WDR47: variants seen among roughly 807,000 people sequenced by gnomAD.
WDR47 encodes WD repeat-containing protein 47.
A neutral mutation model predicts 97.2 loss-of-function variants in WDR47; 32 were observed. The ratio of observed to expected loss-of-function variants is 0.33; its 90% confidence interval spans 0.25 to 0.44. The LOEUF (loss-of-function observed/expected upper bound fraction) is 0.44. Among genes scored for constraint, WDR47 ranks in the 20% least tolerant of loss-of-function variants. The pLI is 1.00. For synonymous variants in WDR47, 375 were observed against 373.5 expected, an observed-to-expected ratio of 1.00 and a Z score of -0.05; for missense variants, 782 against 1,102.3, an observed-to-expected ratio of 0.71 and a Z score of 4.11.
chr1:109,001,407 G>A (rs1660177721), intron 7 of WDR47, among the ~76,000 whole-genome samples: 1 of 151,912 alleles, frequency 6.6e-6, no homozygotes, highest in Non-Finnish European at 1.5e-5. Flanking sequence ...TATTGTTTTG[G>A]CGGAAATTAT....
Position 109,023,447 on chromosome 1 carries a change from C to T in WDR47, c.66G>A (p.Leu22=), listed in dbSNP as rs1661992397. ...VEIIKLILDF[L]NSKKLHISML... The stretch of plus-strand genomic sequence containing the variant: ...TACTAATGTGAAGCTTCTTTGAATT[C>T]AGGAAGTCCAAAATTAGCTTAATGA... The change falls in exon 2 of 15, where the codon CTG becomes CTA. Residue 22 remains leucine (L), a synonymous_variant. Transcript: ENST00000369962. The T allele has an allele frequency of 1.2e-6, 2 of 1,613,570 alleles. No homozygotes were observed. Among genetic ancestry groups the T allele is most frequent in the East Asian group, 2.2e-5 (1 of 44,810 alleles).
chr1:109,019,569 G>C (rs562932818), intron 2 of WDR47, among the ~76,000 whole-genome samples: 1 of 152,092 alleles, frequency 6.6e-6, no homozygotes, highest in South Asian at 2.1e-4. Flanking sequence ...GATCTAGTGG[G>C]TAGATCTACT....
intron 13 of WDR47, among the ~76,000 whole-genome samples, chr1:108,978,271 C>T (rs1425674779): frequency 6.6e-6 from 1 of 151,202 alleles, no homozygotes; most frequent in Non-Finnish European, 1.5e-5. Flanking sequence ...GTCAGGAGAT[C>T]GAGACCATCC....
intron 2 of WDR47, among the ~76,000 whole-genome samples, chr1:109,022,734 G>A (rs996993719): frequency 4.6e-5 from 7 of 151,940 alleles, no homozygotes; most frequent in African/African-American, 1.7e-4. Flanking sequence ...ACAGGCATGT[G>A]CCACCATGCC....
At chr1:109,033,721 C>T (rs1016747128) in intron 1 of WDR47, among the ~76,000 whole-genome samples, 5 of 152,102 alleles carry the variant, frequency 3.3e-5, no homozygotes, top group Admixed American at 2.6e-4. Context: ...GAGATGGAGA[C>T]CATTCTGGCC....
At chr1:109,001,226 T>C (rs974568972) in intron 7 of WDR47, among the ~76,000 whole-genome samples, 4 of 151,862 alleles carry the variant, frequency 2.6e-5, no homozygotes, top group Admixed American at 6.6e-5. Context: ...GAGTCAGAGG[T>C]TGCAGTGAGC....
chr1:109,018,799 G>T (rs1250833707), intron 2 of WDR47, among the ~76,000 whole-genome samples: 5 of 152,028 alleles, frequency 3.3e-5, no homozygotes, highest in African/African-American at 1.2e-4. Flanking sequence ...GGGCAACAGA[G>T]TGAGACCCTG....
intron 5 of WDR47, among the ~76,000 whole-genome samples, chr1:109,006,046 T>C (rs954587873): frequency 3.3e-5 from 5 of 152,094 alleles, no homozygotes; most frequent in Non-Finnish European, 7.4e-5. Flanking sequence ...TATCTAAACA[T>C]TATTTCCTCC....
chr1:109,011,107 C>A lies in WDR47; in HGVS notation c.939G>T (p.Leu313=). ...QSADAYMTRS[L]NPALDGLTCG... ...AGGTGAGGCCATCTAAAGCAGGATT[C>A]AGAGAGCGGGTCATATAGGCATCAG... Residue 313 remains leucine (L), a synonymous_variant, in exon 5 of 15, where the codon CTG becomes CTT. Coordinates refer to ENST00000369962, the MANE Select transcript of WDR47 (RefSeq NM_001142551.2). 2 of 1,614,068 alleles carry A rather than the reference C, an allele frequency of 1.2e-6. No individual in the cohort carries two copies. Among genetic ancestry groups the A allele is most frequent in the Non-Finnish European group, 1.7e-6 (2 of 1,180,032 alleles).
intron 10 of WDR47, among the ~76,000 whole-genome samples, chr1:108,983,807 T>C (rs1658542689): frequency 6.6e-6 from 1 of 151,480 alleles, no homozygotes; most frequent in South Asian, 2.1e-4. Flanking sequence ...GCAATAAGCA[T>C]GTAATAAACA....
At chr1:108,986,756 T>A (rs889709226) in intron 9 of WDR47, 76 bp from the exon 10 acceptor site, 59 of 1,268,966 alleles carry the variant, frequency 4.6e-5, no homozygotes, top group Middle Eastern at 4.5e-4. Flanking sequence ...CCATTTTAAA[T>A]TCATTTGAAC....
Position 109,004,785 on chromosome 1 carries a change from AGAAATTTTATTTTATTATTATTATTTTT to A in WDR47, c.1131-98_1131-71del, listed in dbSNP as rs1231562755. 4.7e-6 allele frequency: 7 copies of A among 1,485,090 alleles called. No homozygotes were observed. The African/African-American group carries it at 5.8e-5, about 12-fold the overall frequency. The allele number at this position is 1,485,090 out of a possible 1,614,324, so 92.0% of individuals were successfully genotyped here. A position where few individuals can be genotyped will look rare whatever the true frequency, so the allele number is the denominator to read the frequency against. ...GTAAAGGAAAATATATTTTAGTTAG[AGAAATTTTATTTTATTATTATTATTTTT>A]GAGATGGAGTCTCTCTCTGTAGCCC... On this transcript the variant is annotated intron_variant, in intron 5 of 14. Coordinates refer to ENST00000369962, the MANE Select transcript of WDR47 (RefSeq NM_001142551.2).
intron 8 of WDR47, chr1:108,992,789 A>G: frequency 1.3e-6 from 2 of 1,597,340 alleles, no homozygotes; most frequent in Non-Finnish European, 1.7e-6. Context: ...GAAGAAAAGG[A>G]TATCCCAGAA....
chr1:108,982,883 A>G (rs1174263527), intron 11 of WDR47, 104 bp from the exon 12 acceptor site: 2 of 1,261,084 alleles, frequency 1.6e-6, no homozygotes, highest in Non-Finnish European at 2.2e-6. Context: ...AATGGTTTAG[A>G]AATATGGTTT....
intron 3 of WDR47, among the ~76,000 whole-genome samples, chr1:109,015,061 T>A (rs1661316415): frequency 6.6e-6 from 1 of 151,868 alleles, no homozygotes; most frequent in Admixed American, 6.6e-5. Context: ...AAAAAAGACA[T>A]AACAACTGAC....
chr1:108,982,664 A>G lies in WDR47; in HGVS notation c.2211T>C (p.Ile737=), dbSNP rs1240458870. 6.2e-7 allele frequency: 1 copy of G among 1,613,808 alleles called. No individual in the cohort carries two copies. Residue 737 remains isoleucine (I), a synonymous_variant, in exon 12 of 15, where the codon ATT becomes ATC. Transcript: ENST00000369962. ...GTCCTCTTTGACAATCGGTTGTATA[A>G]ATGTTACAATCCCCTGCTCCAGCAC... ...LISAGAGDCN[I]YTTDCQRGQG...
intron 13 of WDR47, among the ~76,000 whole-genome samples, chr1:108,975,077 G>GGT (rs35885413): frequency 0.98 from 149,806 of 152,216 alleles, 73,774 homozygotes; most frequent in Middle Eastern, 1. Flanking sequence ...TTCACTACTG[G>GGT]AAGTATCTAG....
At position 109,030,435 on chromosome 1, in the gene WDR47, T is replaced by A. The variant is rs565516470; in HGVS notation, c.-9-6914A>T. 6 of 339,046 alleles carry A rather than the reference T, an allele frequency of 1.8e-5. No individual in the cohort carries two copies. The East Asian group carries it at 2.8e-4, about 16-fold the overall frequency. The allele number at this position is 339,046 out of a possible 1,614,324, so 21.0% of individuals were successfully genotyped here. On this transcript the variant is annotated intron_variant, in intron 1 of 14. Transcript: ENST00000369962. ...AATGTTCATCTGCAATGCGGTTACT[T>A]AAACACACATTATGAAGGAAAAAAA...
At chr1:109,018,651 C>CA (rs1359470870) in intron 2 of WDR47, among the ~76,000 whole-genome samples, 1 of 151,832 alleles carries the variant, frequency 6.6e-6, no homozygotes, top group Non-Finnish European at 1.5e-5. Flanking sequence ...CCTGGCTCTA[C>CA]AAAAAATACA....
Sources: gnomAD v4.1 joint callset for allele counts (sites outside exome capture counted in the v4.1 genomes callset) on GRCh38, gnomAD v4.1.1 for gene constraint, MANE v1.5 for transcripts, NCBI Gene and HGNC (gene_info 2026-07-23, HGNC 2026-07-21) for gene names.